The following USP7 variants were observed in gnomAD, a reference collection of about 807,000 sequenced individuals.
USP7 encodes ubiquitin C-terminal hydrolase 7.
A neutral mutation model predicts 162.9 loss-of-function variants in USP7; 9 were observed. The ratio of observed to expected loss-of-function variants is 0.06; its 90% confidence interval spans 0.03 to 0.10. The LOEUF is 0.10. Ranked by LOEUF, USP7 falls within the 10% of genes least tolerant of loss-of-function variation. The probability of loss-of-function intolerance (pLI) is 1.00; values close to 1 mark genes in which losing one functional copy is unlikely to be tolerated. For synonymous variants in USP7, 562 were observed against 475.9 expected (o/e 1.18, Z -2.35); for missense variants, 715 against 1,373.7 (o/e 0.52, Z 7.58).
Position 8,893,923 on chromosome 16 carries a change from C to A in USP7, c.*75G>T. 3 of 1,285,762 alleles carry A rather than the reference C, an allele frequency of 2.3e-6. No homozygotes were observed. The highest frequency in any genetic ancestry group is 1.7e-5 in the Admixed American group (1 of 59,026). 79.6% of individuals were successfully genotyped at this position (1,285,762 alleles called of 1,614,324 possible). A position where few individuals can be genotyped will look rare whatever the true frequency, so the allele number is the denominator to read the frequency against. ...CTTGCTGAAGACTTCGGCTAGAGGG[C>A]ACGTGCACCAAAGTTCTAGGCTGTT... On this transcript the variant is annotated 3_prime_UTR_variant, in exon 31 of 31. Transcript: ENST00000344836.
chr16:8,960,153 C>A (rs550196888), intron 1 of USP7, among the ~76,000 whole-genome samples: 2 of 152,320 alleles, frequency 1.3e-5, no homozygotes, highest in Admixed American at 1.3e-4. Context: ...TAATACACTG[C>A]CAAGCAACCT....
chr16:8,924,026 T>C, intron 2 of USP7, among the ~76,000 whole-genome samples: 1 of 150,956 alleles, frequency 6.6e-6, no homozygotes, highest in East Asian at 1.9e-4. Context: ...TAAGAACTGG[T>C]ATTTTTTCCC....
At position 8,902,126 on chromosome 16, in the gene USP7, T is replaced by A; in HGVS notation, c.2003A>T (p.Glu668Val). 6.2e-7 allele frequency: 1 copy of A among 1,614,220 alleles called. No individual in the cohort carries two copies. Among genetic ancestry groups the A allele is most frequent in the Non-Finnish European group, 8.5e-7 (1 of 1,180,050 alleles). ...TAAGGTCGCTCCACTAGCAGCCAGCTCGGGATCAACTGTTTCCAGGAATAT... is the reference window on the plus strand; with the variant it reads ...TAAGGTCGCTCCACTAGCAGCCAGCACGGGATCAACTGTTTCCAGGAATAT... ...WTIFLETVDPELAASGATLPK... is the reference protein window; with the variant it reads ...WTIFLETVDPVLAASGATLPK... Residue 668 changes from glutamate (E) to valine (V), a missense_variant, in exon 18 of 31, where the codon GAG (glutamate) becomes GTG (valine). Glu to Val is a moderately radical substitution (Grantham distance 121). Coordinates refer to ENST00000344836, the MANE Select transcript of USP7 (RefSeq NM_003470.3).
At position 8,917,008 on chromosome 16, in the gene USP7, C is replaced by G; in HGVS notation, c.851+18G>C. 6.5e-7 allele frequency: 1 copy of G among 1,539,800 alleles called. No homozygotes were observed. Among genetic ancestry groups the G allele is most frequent in the Non-Finnish European group, 8.7e-7 (1 of 1,150,768 alleles). On this transcript the variant is annotated intron_variant, in intron 7 of 30. Coordinates refer to ENST00000344836, the MANE Select transcript of USP7 (RefSeq NM_003470.3). ...AAAAGAGGAAGCAGAATGGCAAAGGCAGATGTCTAATACATACCCAAATGA... is the reference window on the plus strand; with the variant it reads ...AAAAGAGGAAGCAGAATGGCAAAGGGAGATGTCTAATACATACCCAAATGA...
At chr16:8,948,764 C>A (rs1242377055) in intron 1 of USP7, among the ~76,000 whole-genome samples, 1 of 151,948 alleles carries the variant, frequency 6.6e-6, no homozygotes, top group East Asian at 1.9e-4. Flanking sequence ...CAGCCAAAAA[C>A]AAGCATGGAA....
chr16:8,962,698 A>G, intron 1 of USP7: 1 of 199,586 alleles, frequency 5.0e-6, no homozygotes, highest in Non-Finnish European at 1.1e-5. Context: ...TTCGAACGTA[A>G]GCCCGACGCT....
chr16:8,954,297 C>T (rs1188187158), intron 1 of USP7, among the ~76,000 whole-genome samples: 1 of 152,144 alleles, frequency 6.6e-6, no homozygotes, highest in African/African-American at 2.4e-5. Context: ...CCCCTGGGAA[C>T]CTAAAGGAAA....
chr16:8,915,583 T>A, intron 8 of USP7, 58 bp from the exon 9 acceptor site: 2 of 1,378,586 alleles, frequency 1.5e-6, no homozygotes, highest in Non-Finnish European at 2.0e-6. Flanking sequence ...ATATATACAG[T>A]AATTTTATAA....
chr16:8,906,094 T>A (rs112317998), intron 13 of USP7, among the ~76,000 whole-genome samples: 259 of 152,306 alleles, frequency 1.7e-3, no homozygotes, highest in African/African-American at 5.8e-3. Flanking sequence ...CAGAGGGACA[T>A]GCGACCAGCC....
chr16:8,946,391 G>T (rs1376832207), intron 1 of USP7, among the ~76,000 whole-genome samples: 2 of 152,122 alleles, frequency 1.3e-5, no homozygotes, highest in East Asian at 3.8e-4. Flanking sequence ...GACCAGCCTG[G>T]CCAATATGGT....
chr16:8,899,100 G>A (rs2061735205), intron 23 of USP7, 21 bp downstream of exon 23: 3 of 1,613,402 alleles, frequency 1.9e-6, no homozygotes, highest in South Asian at 2.2e-5. Context: ...GACCAAGCAA[G>A]TGTCCACACA....
intron 1 of USP7, among the ~76,000 whole-genome samples, chr16:8,935,483 T>C (rs1012949307): frequency 6.6e-6 from 1 of 152,216 alleles, no homozygotes; most frequent in Non-Finnish European, 1.5e-5. Context: ...AGTGCTGGGA[T>C]TACAGGCGTG....
In USP7 at chr16:8,932,998, T is replaced by C. The variant is rs538630110; in HGVS notation, c.80-2601A>G. Among the ~76,000 whole-genome samples, 8 of 152,202 alleles carry C rather than the reference T, an allele frequency of 5.3e-5. No individual in the cohort carries two copies. In the South Asian group the frequency reaches 1.0e-3, roughly 20 times the overall value. ...GCTCGTTGCCCAGGCTGGAGTTCAG[T>C]GGCGAGATCTCGGCTCACTGCAACC... On this transcript the variant is annotated intron_variant, in intron 1 of 30. Coordinates refer to ENST00000344836, the MANE Select transcript of USP7 (RefSeq NM_003470.3).
chr16:8,897,714 A>ATAT (rs1416078089), intron 25 of USP7, among the ~76,000 whole-genome samples: 33 of 42,924 alleles, frequency 7.7e-4, no homozygotes, highest in Admixed American at 1.5e-3. Context: ...AAAAAAAAAA[A>ATAT]AAAAAAAAAA....
chr16:8,908,955 A>T (rs2061901305), intron 11 of USP7, among the ~76,000 whole-genome samples: 1 of 152,238 alleles, frequency 6.6e-6, no homozygotes, highest in African/African-American at 2.4e-5. Context: ...GGGCTCTTTG[A>T]TGTTTGCATA....
intron 2 of USP7, among the ~76,000 whole-genome samples, chr16:8,925,489 A>G (rs1477681385): frequency 6.6e-6 from 1 of 152,200 alleles, no homozygotes; most frequent in East Asian, 1.9e-4. Flanking sequence ...TGTATACAAA[A>G]TCAATACATA....
intron 1 of USP7, among the ~76,000 whole-genome samples, chr16:8,938,308 A>G (rs1398481266): frequency 5.3e-5 from 8 of 151,380 alleles, no homozygotes; most frequent in African/African-American, 1.9e-4. Flanking sequence ...ATAACTGTAG[A>G]TTCACACACA....
At chr16:8,933,495 A>C (rs1225096623) in intron 1 of USP7, among the ~76,000 whole-genome samples, 1 of 152,236 alleles carries the variant, frequency 6.6e-6, no homozygotes, top group Non-Finnish European at 1.5e-5. Context: ...TCCCTTTACA[A>C]AATTCAAAAG....
intron 12 of USP7, 30 bp from the exon 13 acceptor site, chr16:8,906,612 G>C (rs757370621): frequency 1.1e-5 from 17 of 1,597,350 alleles, no homozygotes; most frequent in Admixed American, 5.2e-5. Flanking sequence ...AAGAAATTCA[G>C]TATTAATTTA....
Sources: gnomAD v4.1 joint callset for allele counts (sites outside exome capture counted in the v4.1 genomes callset) on GRCh38, gnomAD v4.1.1 for gene constraint, MANE v1.5 for transcripts, NCBI Gene and HGNC (gene_info 2026-07-23, HGNC 2026-07-21) for gene names.